Variants in SOCS5 observed in about 807,000 individuals in gnomAD.
SOCS5 encodes CIS-6.
SOCS5 carries 32 observed loss-of-function variants against 42.8 expected under a neutral mutation model. The observed-to-expected ratio is 0.75, with a 90% confidence interval of 0.56 to 1.01. The LOEUF (loss-of-function observed/expected upper bound fraction) is 1.01, where lower values mean the gene tolerates loss of function less well. Ranked by LOEUF, SOCS5 falls within the 50% of genes least tolerant of loss-of-function variation. The probability of loss-of-function intolerance (pLI) is 0.00; values close to 1 mark genes in which losing one functional copy is unlikely to be tolerated. For synonymous variants in SOCS5, 283 were observed against 229.6 expected, an observed-to-expected ratio of 1.23 and a Z score of -2.10; for missense variants, 627 against 653.0, an observed-to-expected ratio of 0.96 and a Z score of 0.43.
In SOCS5 at chr2:46,726,342, C is replaced by T. The variant is rs561228424; in HGVS notation, c.-13+26893C>T. On this transcript the variant is annotated intron_variant, in intron 1 of 1. Transcript: ENST00000394861. ...AAAACTCCTAACCTTGTGATCCACCCGCCTCGACCTCCCAAAGTGCTGGAA... is the reference window on the plus strand; with the variant it reads ...AAAACTCCTAACCTTGTGATCCACCTGCCTCGACCTCCCAAAGTGCTGGAA... Among the ~76,000 whole-genome samples the T allele has an allele frequency of 2.5e-4, 38 of 152,224 alleles. 1 individual carries two copies. The South Asian group carries it at 5.8e-3, about 23-fold the overall frequency.
chr2:46,708,690 T>G (rs1460338372), intron 1 of SOCS5, among the ~76,000 whole-genome samples: 1 of 152,124 alleles, frequency 6.6e-6, no homozygotes, highest in Non-Finnish European at 1.5e-5. Flanking sequence ...AATATTTGAG[T>G]GTCCTTGAAA....
chr2:46,736,472 C>G (rs149680249), intron 1 of SOCS5, among the ~76,000 whole-genome samples: 2 of 152,160 alleles, frequency 1.3e-5, no homozygotes, highest in Non-Finnish European at 2.9e-5. Context: ...TCATTAAAAA[C>G]TAACCTCATT....
At chr2:46,748,814 A>G (rs115281606) in intron 1 of SOCS5, among the ~76,000 whole-genome samples, 1 of 152,148 alleles carries the variant, frequency 6.6e-6, no homozygotes, top group Non-Finnish European at 1.5e-5. Context: ...TAAAGTGGTT[A>G]TCCTCCCTAG....
chr2:46,749,109 T>G (rs1673569770), intron 1 of SOCS5, among the ~76,000 whole-genome samples: 1 of 152,214 alleles, frequency 6.6e-6, no homozygotes, highest in South Asian at 2.1e-4. Context: ...CTGACAGTAC[T>G]AGTCACATGT....
intron 1 of SOCS5, among the ~76,000 whole-genome samples, chr2:46,733,700 G>T (rs953140592): frequency 1.3e-5 from 2 of 151,834 alleles, no homozygotes; most frequent in Non-Finnish European, 1.5e-5. Context: ...AGATACGAAT[G>T]ATTTGAATAA....
At chr2:46,716,181 CT>C (rs1477971147) in intron 1 of SOCS5, among the ~76,000 whole-genome samples, 1 of 144,972 alleles carries the variant, frequency 6.9e-6, no homozygotes, top group Non-Finnish European at 1.5e-5. Flanking sequence ...GAGGTATTTC[CT>C]TTTTTCTTCA....
At chr2:46,723,430 A>C (rs1049178315) in intron 1 of SOCS5, among the ~76,000 whole-genome samples, 3 of 152,070 alleles carry the variant, frequency 2.0e-5, no homozygotes, top group Admixed American at 1.3e-4. Context: ...AAAACATTAG[A>C]TCTGTGATCC....
chr2:46,727,170 A>G (rs1673016539), intron 1 of SOCS5, among the ~76,000 whole-genome samples: 1 of 91,134 alleles, frequency 1.1e-5, no homozygotes, highest in Non-Finnish European at 2.2e-5. Context: ...TTTTTTTGAA[A>G]CGGAGTCTTG....
At chr2:46,748,044 T>G (rs1451111676) in intron 1 of SOCS5, among the ~76,000 whole-genome samples, 3 of 152,184 alleles carry the variant, frequency 2.0e-5, no homozygotes, top group African/African-American at 7.2e-5. Context: ...AGTTGATGAT[T>G]TTGTTCAACA....
intron 1 of SOCS5, among the ~76,000 whole-genome samples, chr2:46,719,821 A>G (rs1203150765): frequency 3.3e-5 from 5 of 152,202 alleles, no homozygotes; most frequent in Non-Finnish European, 5.9e-5. Context: ...CCAGACCTGA[A>G]AGAAGAATGA....
At chr2:46,740,411 C>T (rs1304312090) in intron 1 of SOCS5, among the ~76,000 whole-genome samples, 1 of 152,164 alleles carries the variant, frequency 6.6e-6, no homozygotes, top group African/African-American at 2.4e-5. Context: ...TCTGGATGTA[C>T]TCCAGATAGA....
intron 1 of SOCS5, among the ~76,000 whole-genome samples, chr2:46,722,914 C>T (rs746538454): frequency 2.6e-5 from 4 of 151,970 alleles, no homozygotes; most frequent in Non-Finnish European, 4.4e-5. Context: ...TGTCTAATAA[C>T]GTTGAATATT....
At chr2:46,732,518 A>G (rs1347318486) in intron 1 of SOCS5, among the ~76,000 whole-genome samples, 1 of 152,202 alleles carries the variant, frequency 6.6e-6, no homozygotes, top group Non-Finnish European at 1.5e-5. Flanking sequence ...CTGTTAATGA[A>G]ACTTAGTGGT....
chr2:46,717,374 A>C (rs746827317), intron 1 of SOCS5, among the ~76,000 whole-genome samples: 1 of 152,064 alleles, frequency 6.6e-6, no homozygotes, highest in Non-Finnish European at 1.5e-5. Context: ...TCTCGTGTGA[A>C]AACTATTGTT....
At chr2:46,730,604 A>G (rs536891462) in intron 1 of SOCS5, among the ~76,000 whole-genome samples, 3 of 152,338 alleles carry the variant, frequency 2.0e-5, no homozygotes, top group South Asian at 2.1e-4. Flanking sequence ...TGTCTCAAAA[A>G]GATTGAATGG....
At chr2:46,747,770 G>A (rs1243823971) in intron 1 of SOCS5, among the ~76,000 whole-genome samples, 2 of 152,152 alleles carry the variant, frequency 1.3e-5, no homozygotes, top group African/African-American at 4.8e-5. Context: ...TCAATTTAGA[G>A]TAAATAGGCA....
chr2:46,718,706 C>T (rs1464779889), intron 1 of SOCS5, among the ~76,000 whole-genome samples: 1 of 152,078 alleles, frequency 6.6e-6, no homozygotes, highest in African/African-American at 2.4e-5. Flanking sequence ...ATAATACTTT[C>T]TAAAAGATTT....
In SOCS5 at chr2:46,742,215, T is replaced by C. The variant is rs144458652; in HGVS notation, c.-12-16304T>C. ...TCTAGAGATATCCTTTGCTGTTTTT[T>C]AATTGAGTTGTTGTGTTTTACCATT... On this transcript the variant is annotated intron_variant, in intron 1 of 1. Coordinates refer to ENST00000394861, the MANE Select transcript of SOCS5 (RefSeq NM_144949.3). Among the ~76,000 whole-genome samples the C allele has an allele frequency of 8.4e-3, 1,280 of 152,308 alleles. 9 individuals are homozygous for C. Among genetic ancestry groups the C allele is most frequent in the African/African-American group, 0.015 (621 of 41,564 alleles).
intron 1 of SOCS5, among the ~76,000 whole-genome samples, chr2:46,753,214 T>A (rs1002355771): frequency 6.6e-6 from 1 of 152,212 alleles, no homozygotes; most frequent in Non-Finnish European, 1.5e-5. Flanking sequence ...ATTCATTTCT[T>A]CTTATCCTTC....
Sources: allele counts gnomAD v4.1 joint callset (sites outside exome capture counted in the v4.1 genomes callset), GRCh38; gene constraint gnomAD v4.1.1; transcripts MANE v1.5; gene names NCBI Gene and HGNC (gene_info 2026-07-23, HGNC 2026-07-21).